Variants in RABGAP1L observed in about 807,000 individuals in gnomAD.
RABGAP1L encodes the protein rab GTPase-activating protein 1-like.
In RABGAP1L, 63 loss-of-function variants were observed where a neutral mutation model predicts 137.7. The observed-to-expected ratio is 0.46, with a 90% CI of 0.37 to 0.56. The LOEUF (loss-of-function observed/expected upper bound fraction) is 0.56, where lower values mean the gene tolerates loss of function less well. RABGAP1L is among the 20% of genes least tolerant of loss of function. The pLI, the probability that RABGAP1L is intolerant of heterozygous loss-of-function variation, is 0.00. For missense variants in RABGAP1L, 1,095 were observed against 1,244.0 expected, an observed-to-expected ratio of 0.88 and a Z score of 1.80; for synonymous variants, 431 against 433.7, an observed-to-expected ratio of 0.99 and a Z score of 0.08.
At chr1:174,379,092 G>T (rs1274250701) in intron 12 of RABGAP1L, among the ~76,000 whole-genome samples, 2 of 143,306 alleles carry the variant, frequency 1.4e-5, no homozygotes, top group African/African-American at 5.3e-5. Flanking sequence ...AGATCAGATA[G>T]TTGTAGATAT....
chr1:174,654,477 G>A (rs1482954404), intron 14 of RABGAP1L, among the ~76,000 whole-genome samples: 1 of 152,080 alleles, frequency 6.6e-6, no homozygotes, highest in Non-Finnish European at 1.5e-5. Context: ...TTAGGGCAAG[G>A]CTATAGCTTT....
chr1:174,392,887 T>C (rs188619763), intron 12 of RABGAP1L, among the ~76,000 whole-genome samples: 93 of 152,304 alleles, frequency 6.1e-4, no homozygotes, highest in South Asian at 1.9e-3. Flanking sequence ...TCCCAGTGGT[T>C]GCACCAGAGT....
At chr1:174,881,955 G>T (rs1445762850) in intron 19 of RABGAP1L, among the ~76,000 whole-genome samples, 1 of 152,010 alleles carries the variant, frequency 6.6e-6, no homozygotes, top group Non-Finnish European at 1.5e-5. Flanking sequence ...TCTGCCTCCC[G>T]GGTCCAAGAG....
chr1:174,495,814 CCACACATCATTTTG>C (rs1053269741), intron 13 of RABGAP1L, among the ~76,000 whole-genome samples: 2 of 152,124 alleles, frequency 1.3e-5, no homozygotes, highest in African/African-American at 4.8e-5. Context: ...AAATCCCTAG[CCACACATCATTTTG>C]CACACATATG....
At chr1:174,434,628 T>A (rs958180128) in intron 13 of RABGAP1L, among the ~76,000 whole-genome samples, 1 of 152,204 alleles carries the variant, frequency 6.6e-6, no homozygotes, top group Non-Finnish European at 1.5e-5. Context: ...CCTACCAACA[T>A]TGTACTGTCA....
At chr1:174,865,275 A>G (rs1030733278) in intron 19 of RABGAP1L, among the ~76,000 whole-genome samples, 2 of 152,182 alleles carry the variant, frequency 1.3e-5, no homozygotes, top group Non-Finnish European at 2.9e-5. Context: ...CAGGAGGTGG[A>G]GGTTGCAGTG....
At chr1:174,655,868 G>C (rs1675931197) in intron 14 of RABGAP1L, among the ~76,000 whole-genome samples, 1 of 152,186 alleles carries the variant, frequency 6.6e-6, no homozygotes, top group African/African-American at 2.4e-5. Context: ...TTTGAGCCTT[G>C]CCTTTCTTTA....
rs1179037388 is a variant in RABGAP1L, at chr1:174,993,771, G to A, written c.*3770G>A. ...TGGTTTTGTTTTATCTTCTGGGAAA[G>A]AACACTTTTACTTGATTAGCAAGAT... On this transcript the variant is annotated 3_prime_UTR_variant, in exon 26 of 26. Transcript: ENST00000681986. The A allele has an allele frequency of 6.6e-6, 1 of 152,194 alleles. No individual in the cohort carries two copies. Among genetic ancestry groups the A allele is most frequent in the African/African-American group, 2.4e-5 (1 of 41,454 alleles). 9.4% of individuals were successfully genotyped at this position (152,194 alleles called of 1,614,324 possible).
At chr1:174,483,819 C>CA (rs201936174) in intron 13 of RABGAP1L, among the ~76,000 whole-genome samples, 1,904 of 132,784 alleles carry the variant, frequency 0.014, 30 homozygotes, top group African/African-American at 0.037. Context: ...AACTCCATCT[C>CA]AAAAAAAAAA....
chr1:174,753,210 A>G (rs1358133266), intron 18 of RABGAP1L, among the ~76,000 whole-genome samples: 1 of 152,230 alleles, frequency 6.6e-6, no homozygotes. Flanking sequence ...AGTCCTTAGT[A>G]TAGTATCTAG....
At chr1:174,667,892 T>C (rs1286012157) in intron 14 of RABGAP1L, among the ~76,000 whole-genome samples, 1 of 152,198 alleles carries the variant, frequency 6.6e-6, no homozygotes, top group Non-Finnish European at 1.5e-5. Context: ...GTATATGCCT[T>C]ACTAAGCACA....
intron 18 of RABGAP1L, among the ~76,000 whole-genome samples, chr1:174,756,130 T>C (rs1684734745): frequency 6.6e-6 from 1 of 152,130 alleles, no homozygotes; most frequent in African/African-American, 2.4e-5. Context: ...CTCTTTTGAC[T>C]GGTTTTTATC....
chr1:174,416,886 G>T (rs183611856), intron 13 of RABGAP1L, among the ~76,000 whole-genome samples: 6 of 152,126 alleles, frequency 3.9e-5, no homozygotes, highest in Non-Finnish European at 1.5e-5. Context: ...AGGATTTGAG[G>T]TGTTTCTTAA....
intron 19 of RABGAP1L, among the ~76,000 whole-genome samples, chr1:174,951,741 G>C (rs544565470): frequency 2.0e-5 from 3 of 152,244 alleles, no homozygotes; most frequent in African/African-American, 7.2e-5. Context: ...AGCCGCTACT[G>C]ACATTTAATA....
At chr1:174,988,985 T>C in intron 25 of RABGAP1L, 147 bp downstream of exon 25, 1 of 516,012 alleles carries the variant, frequency 1.9e-6, no homozygotes, top group East Asian at 3.5e-5. Flanking sequence ...AATCACATTT[T>C]ATATCATGTA....
intron 13 of RABGAP1L, chr1:174,545,154 C>T (rs1377320425): frequency 6.6e-6 from 1 of 151,790 alleles, no homozygotes; most frequent in Admixed American, 6.6e-5. Flanking sequence ...ACATTTAAGT[C>T]TGCAGAAGTT....
intron 14 of RABGAP1L, among the ~76,000 whole-genome samples, chr1:174,647,435 C>T (rs972813332): frequency 7.2e-5 from 11 of 152,046 alleles, no homozygotes; most frequent in Non-Finnish European, 1.3e-4. Flanking sequence ...TGAATTTTAT[C>T]GAAGCCCTTT....
chr1:174,435,327 T>A (rs1007065477), intron 13 of RABGAP1L, among the ~76,000 whole-genome samples: 2 of 152,224 alleles, frequency 1.3e-5, no homozygotes, highest in Non-Finnish European at 2.9e-5. Flanking sequence ...CATCTTTGTC[T>A]ATCCTTAAGT....
chr1:174,658,821 G>A (rs147334211), intron 14 of RABGAP1L, among the ~76,000 whole-genome samples: 13 of 152,154 alleles, frequency 8.5e-5, no homozygotes, highest in East Asian at 1.9e-4. Flanking sequence ...TACCCTTTCC[G>A]TTCTTCATGA....
Sources: gnomAD v4.1 joint callset for allele counts (sites outside exome capture counted in the v4.1 genomes callset) on GRCh38, gnomAD v4.1.1 for gene constraint, MANE v1.5 for transcripts, NCBI Gene and HGNC (gene_info 2026-07-23, HGNC 2026-07-21) for gene names.